CFAP20DC: variants seen among roughly 807,000 people sequenced by gnomAD.
The protein encoded by CFAP20DC is protein CFAP20DC.
CFAP20DC carries 84 observed loss-of-function variants against 101.7 expected under a neutral mutation model. The observed-to-expected ratio is 0.83, with a 90% CI of 0.69 to 0.99. The LOEUF (loss-of-function observed/expected upper bound fraction) is 0.99. CFAP20DC is among the 50% of genes least tolerant of loss of function. CFAP20DC has a pLI of 0.00. For missense variants in CFAP20DC, 1,007 were observed against 970.3 expected (o/e 1.04, Z -0.50); for synonymous variants, 359 against 351.2 (o/e 1.02, Z -0.25).
At chr3:58,814,635 A>G (rs1276652920) in intron 14 of CFAP20DC, among the ~76,000 whole-genome samples, 1 of 151,290 alleles carries the variant, frequency 6.6e-6, no homozygotes, top group Non-Finnish European at 1.5e-5. Context: ...AATCTCCTTA[A>G]GCTGATAATC....
intron 4 of CFAP20DC, among the ~76,000 whole-genome samples, chr3:58,993,915 T>C (rs926913092): frequency 2.6e-5 from 4 of 152,206 alleles, no homozygotes; most frequent in South Asian, 2.1e-4. Context: ...ATGTTTGTGA[T>C]AGAATGATTT....
chr3:59,008,071 C>G (rs1386451083), intron 4 of CFAP20DC, among the ~76,000 whole-genome samples: 1 of 152,214 alleles, frequency 6.6e-6, no homozygotes, highest in African/African-American at 2.4e-5. Context: ...AACAGAAACA[C>G]TGGATGCACT....
chr3:58,841,657 A>C (rs2077118604), intron 13 of CFAP20DC, among the ~76,000 whole-genome samples: 1 of 152,238 alleles, frequency 6.6e-6, no homozygotes, highest in Non-Finnish European at 1.5e-5. Flanking sequence ...TCCATAATTC[A>C]GTTTTGATTT....
rs2082963832 is a variant in CFAP20DC at position 58,899,550 on chromosome 3, C to A, written c.550+14158G>T. Among the ~76,000 whole-genome samples the A allele has an allele frequency of 6.6e-6, 1 of 152,196 alleles. No homozygotes were observed. Among genetic ancestry groups the A allele is most frequent in the Non-Finnish European group, 1.5e-5 (1 of 68,036 alleles). ...AAAACTCCTGGGTCTCTGTGTGTGC[C>A]TGAGTGGCTGCTCTGCTGGGACTCC... On this transcript the variant is annotated intron_variant, in intron 6 of 16. Coordinates refer to ENST00000482387, the MANE Select transcript of CFAP20DC (RefSeq NM_001394063.1). The surrounding 1 kb of genome is among the most constrained non-coding windows in gnomAD (Gnocchi z 5.0).
At chr3:59,012,727 G>A (rs2093611427) in intron 4 of CFAP20DC, among the ~76,000 whole-genome samples, 1 of 152,088 alleles carries the variant, frequency 6.6e-6, no homozygotes, top group African/African-American at 2.4e-5. Flanking sequence ...CACTTGAAGG[G>A]TAAGAAAACA....
chr3:59,042,592 C>T (rs1159345151), intron 3 of CFAP20DC, among the ~76,000 whole-genome samples: 2 of 152,064 alleles, frequency 1.3e-5, no homozygotes, highest in East Asian at 1.9e-4. Flanking sequence ...CTAAGAAGGG[C>T]ACCAGATACT....
chr3:58,769,454 C>T (rs1309982711), intron 15 of CFAP20DC, among the ~76,000 whole-genome samples: 4 of 152,166 alleles, frequency 2.6e-5, no homozygotes, highest in Non-Finnish European at 4.4e-5. Context: ...GACTTCTTCA[C>T]ATATTGAATT....
intron 15 of CFAP20DC, among the ~76,000 whole-genome samples, chr3:58,761,793 T>C (rs1190952357): frequency 2.0e-5 from 3 of 152,268 alleles, no homozygotes; most frequent in Non-Finnish European, 4.4e-5. Context: ...TGTTGTTATG[T>C]ATGCAGTAGT....
At chr3:58,783,758 C>T (rs1050427983) in intron 15 of CFAP20DC, among the ~76,000 whole-genome samples, 2 of 152,000 alleles carry the variant, frequency 1.3e-5, no homozygotes, top group Non-Finnish European at 2.9e-5. Context: ...CGTCTGACCC[C>T]AGTCAGAATG....
At chr3:58,898,722 T>C (rs1262683967) in intron 6 of CFAP20DC, among the ~76,000 whole-genome samples, 1 of 152,200 alleles carries the variant, frequency 6.6e-6, no homozygotes, top group East Asian at 1.9e-4. Context: ...TTTTGTGCCA[T>C]TGCTGGAGAG....
At chr3:58,804,131 A>G (rs1321332642) in intron 15 of CFAP20DC, among the ~76,000 whole-genome samples, 1 of 152,224 alleles carries the variant, frequency 6.6e-6, no homozygotes, top group African/African-American at 2.4e-5. Flanking sequence ...TCACAGAATC[A>G]TAAAGTTGGA....
intron 5 of CFAP20DC, among the ~76,000 whole-genome samples, chr3:58,925,807 G>C (rs2085897242): frequency 6.6e-6 from 1 of 152,190 alleles, no homozygotes; most frequent in South Asian, 2.1e-4. Flanking sequence ...GACAGAACCA[G>C]AATCTGAACC....
intron 5 of CFAP20DC, among the ~76,000 whole-genome samples, chr3:58,915,487 T>C (rs1339356925): frequency 6.6e-6 from 1 of 152,138 alleles, no homozygotes; most frequent in Non-Finnish European, 1.5e-5. Context: ...TTCAGCTGGT[T>C]CATCAGTCAG....
At chr3:58,893,634 G>A (rs1396471245) in intron 6 of CFAP20DC, among the ~76,000 whole-genome samples, 2 of 152,164 alleles carry the variant, frequency 1.3e-5, no homozygotes, top group Non-Finnish European at 2.9e-5. Flanking sequence ...TTTGGTATCA[G>A]GATGATGGCC....
chr3:58,886,618 G>A (rs182858599), intron 6 of CFAP20DC, among the ~76,000 whole-genome samples: 4 of 152,046 alleles, frequency 2.6e-5, no homozygotes, highest in African/African-American at 4.8e-5. Flanking sequence ...AAGCTGAGGT[G>A]AGAGAATCAC....
At chr3:58,980,874 G>A (rs1338018472) in intron 4 of CFAP20DC, among the ~76,000 whole-genome samples, 4 of 152,256 alleles carry the variant, frequency 2.6e-5, no homozygotes, top group African/African-American at 7.2e-5. Context: ...GGCAGGAGAA[G>A]GAAATAAAGG....
At position 59,039,222 on chromosome 3, in the gene CFAP20DC, G is replaced by A. The variant is rs540108027; in HGVS notation, c.278+335C>T. The stretch of plus-strand genomic sequence containing the variant: ...CAACCATAGTTTTGAATAGCAGACC[G>A]TACAAAACATAACATCGCCCTTCAT... On this transcript the variant is annotated intron_variant, in intron 4 of 16. Coordinates refer to ENST00000482387, the MANE Select transcript of CFAP20DC (RefSeq NM_001394063.1). 6.8e-4 allele frequency among the ~76,000 whole-genome samples: 103 copies of A among 152,036 alleles called. 1 individual carries two copies. Among genetic ancestry groups the A allele is most frequent in the African/African-American group, 2.1e-3 (86 of 41,512 alleles).
intron 15 of CFAP20DC, among the ~76,000 whole-genome samples, chr3:58,755,165 TTATAA>T (rs1168749667): frequency 6.6e-6 from 1 of 152,140 alleles, no homozygotes; most frequent in African/African-American, 2.4e-5. Flanking sequence ...TAATTCCTAC[TTATAA>T]TATTTTACGA....
intron 4 of CFAP20DC, chr3:59,018,771 CATAG>C (rs2093741518): frequency 6.6e-6 from 1 of 152,052 alleles, no homozygotes; most frequent in Admixed American, 6.6e-5. Flanking sequence ...ATGTCTATAT[CATAG>C]ATAGTAGTAC....
Sources: gnomAD v4.1 joint callset for allele counts (sites outside exome capture counted in the v4.1 genomes callset) on GRCh38, gnomAD v4.1.1 for gene constraint, Gnocchi (gnomAD v3.1) non-coding constraint, MANE v1.5 for transcripts, NCBI Gene and HGNC (gene_info 2026-07-23, HGNC 2026-07-21) for gene names.